DROSHA: variants seen among roughly 807,000 people sequenced by gnomAD.
DROSHA encodes drosha ribonuclease III.
A neutral mutation model predicts 181.9 loss-of-function variants in DROSHA; 56 were observed. The observed-to-expected ratio is 0.31, with a 90% CI of 0.25 to 0.38. The LOEUF is 0.38. DROSHA is among the 10% of genes least tolerant of loss of function. DROSHA has a pLI of 1.00. For synonymous variants in DROSHA, 524 were observed against 591.2 expected (o/e 0.89, Z 1.65); for missense variants, 1,218 against 1,743.5 (o/e 0.70, Z 5.37).
At chr5:31,466,472 T>C (rs1212095387) in intron 18 of DROSHA, 191 bp from the exon 19 acceptor site, 2 of 522,236 alleles carry the variant, frequency 3.8e-6, no homozygotes, top group East Asian at 3.3e-5. Flanking sequence ...AAGAGTCAAC[T>C]GGAACCTGGT....
chr5:31,478,298 G>A (rs1274876317), intron 16 of DROSHA, among the ~76,000 whole-genome samples: 1 of 152,202 alleles, frequency 6.6e-6, no homozygotes, highest in Non-Finnish European at 1.5e-5. Context: ...GACAGCTGAT[G>A]AGATTAAAAA....
At chr5:31,436,980 T>C (rs1286606987) in intron 24 of DROSHA, among the ~76,000 whole-genome samples, 1 of 152,222 alleles carries the variant, frequency 6.6e-6, no homozygotes, top group Non-Finnish European at 1.5e-5. Flanking sequence ...CTCTTGTGGC[T>C]GTAAGCAACT....
chr5:31,488,429 A>G (rs1004623245), intron 13 of DROSHA, among the ~76,000 whole-genome samples: 2 of 150,608 alleles, frequency 1.3e-5, no homozygotes, highest in Non-Finnish European at 2.9e-5. Flanking sequence ...AAAAAAAAAA[A>G]AAAAAAGATG....
chr5:31,456,783 A>G (rs1747719637), intron 20 of DROSHA, among the ~76,000 whole-genome samples: 1 of 152,106 alleles, frequency 6.6e-6, no homozygotes, highest in South Asian at 2.1e-4. Context: ...TTTTTTAGAG[A>G]CAGGGTTTCA....
chr5:31,404,877 T>C (rs1579966368), intron 35 of DROSHA, among the ~76,000 whole-genome samples: 1 of 152,182 alleles, frequency 6.6e-6, no homozygotes, highest in East Asian at 1.9e-4. Flanking sequence ...GGAAATATTA[T>C]GCAGCCACTA....
chr5:31,486,842 C>T (rs994694500), intron 13 of DROSHA: 1 of 282,010 alleles, frequency 3.5e-6, no homozygotes, highest in Non-Finnish European at 6.6e-6. Flanking sequence ...ATTAAAACCA[C>T]AAGTATCACC....
At chr5:31,403,190 T>C (rs1244725384) in intron 35 of DROSHA, among the ~76,000 whole-genome samples, 1 of 152,248 alleles carries the variant, frequency 6.6e-6, no homozygotes, top group Non-Finnish European at 1.5e-5. Flanking sequence ...CAAATATAAC[T>C]ACTTTTTTCA....
At chr5:31,424,710 G>T (rs1429799502) in intron 27 of DROSHA, among the ~76,000 whole-genome samples, 4 of 152,230 alleles carry the variant, frequency 2.6e-5, no homozygotes, top group South Asian at 2.1e-4. Flanking sequence ...TCTAGTCCCA[G>T]AAGTCAGACA....
rs770087234 is a variant in DROSHA, at chr5:31,437,191, T to A, written c.2942+48A>T. ...AGCAATGTAATAAGTATGTTACCTA[T>A]AAAATGTAATTATTGAGGAATTGTA... On this transcript the variant is annotated intron_variant, in intron 24 of 35. Coordinates refer to ENST00000344624, the MANE Select transcript of DROSHA (RefSeq NM_001382508.1). 3 of 1,526,922 alleles carry A rather than the reference T, an allele frequency of 2.0e-6. No homozygotes were observed. The South Asian group carries it at 3.6e-5, about 18-fold the overall frequency. The allele number at this position is 1,526,922 out of a possible 1,614,324, so 94.6% of individuals were successfully genotyped here.
At chr5:31,480,203 T>TATATATATATATATATATATATATATAC (rs1345858192) in intron 16 of DROSHA, among the ~76,000 whole-genome samples, 2 of 140,188 alleles carry the variant, frequency 1.4e-5, no homozygotes, top group African/African-American at 2.5e-5. Flanking sequence ...TATATATATA[T>TATATATATATATATATATATATATATAC]ACTGAAAATA....
chr5:31,418,180 G>A (rs1469942185), intron 30 of DROSHA, among the ~76,000 whole-genome samples: 3 of 152,002 alleles, frequency 2.0e-5, no homozygotes, highest in South Asian at 2.1e-4. Context: ...TCTTTCAACT[G>A]GGTCTCTATC....
At position 31,409,410 on chromosome 5, in the gene DROSHA, A is replaced by G; in HGVS notation, c.3668-78T>C. On this transcript the variant is annotated intron_variant, in intron 31 of 35. Coordinates refer to ENST00000344624, the MANE Select transcript of DROSHA (RefSeq NM_001382508.1). This position sits in a 1 kb window ranked among gnomAD's most constrained non-coding sequence, Gnocchi z 4.0. ...AAAGAGTAAGAGACCTAGACCTTTAAGCAAAATTTTAGTAATAGTTTCAAC... is the reference window on the plus strand; with the variant it reads ...AAAGAGTAAGAGACCTAGACCTTTAGGCAAAATTTTAGTAATAGTTTCAAC... 1 of 1,384,514 alleles carries G rather than the reference A, an allele frequency of 7.2e-7. No homozygotes were observed. The highest frequency in any genetic ancestry group is 2.5e-5 in the Admixed American group (1 of 39,782). 85.8% of individuals were successfully genotyped at this position (1,384,514 alleles called of 1,614,324 possible).
intron 16 of DROSHA, among the ~76,000 whole-genome samples, chr5:31,478,773 T>C (rs1460874710): frequency 6.6e-6 from 1 of 152,170 alleles, no homozygotes; most frequent in Non-Finnish European, 1.5e-5. Context: ...GGCAGGTGTA[T>C]AGAAAAAGAG....
rs10718385 is a variant in DROSHA, at chr5:31,523,976, CAAA to C, written c.854+2100_854+2102del. On this transcript the variant is annotated intron_variant, in intron 5 of 35. Coordinates refer to ENST00000344624, the MANE Select transcript of DROSHA (RefSeq NM_001382508.1). ...GGGAACAAAAGCAAAACTTTGTCTC[CAAA>C]AAAAAAAAAAAAAAAACAACAAAAA... 7.6e-4 allele frequency among the ~76,000 whole-genome samples: 80 copies of C among 105,058 alleles called. No homozygotes were observed. The South Asian group carries it at 0.011, about 14-fold the overall frequency. 68.9% of individuals were successfully genotyped at this position (105,058 alleles called of 152,430 possible).
At chr5:31,481,258 G>T (rs1478255896) in intron 16 of DROSHA, among the ~76,000 whole-genome samples, 1 of 151,958 alleles carries the variant, frequency 6.6e-6, no homozygotes, top group African/African-American at 2.4e-5. Context: ...TTTCAAAGGG[G>T]AGTCTAATGA....
intron 3 of DROSHA, among the ~76,000 whole-genome samples, chr5:31,530,300 T>A (rs1025290167): frequency 6.6e-6 from 1 of 152,032 alleles, no homozygotes; most frequent in African/African-American, 2.4e-5. Flanking sequence ...ATTACTATTA[T>A]CCAGTCCAGT....
chr5:31,451,487 A>G, intron 21 of DROSHA, 46 bp downstream of exon 21: 1 of 1,460,558 alleles, frequency 6.8e-7, no homozygotes, highest in South Asian at 1.2e-5. Flanking sequence ...AAGATGAATT[A>G]CTCCTATCTT....
intron 23 of DROSHA, among the ~76,000 whole-genome samples, chr5:31,446,271 C>CCTGT (rs1746249215): frequency 6.6e-6 from 1 of 151,350 alleles, no homozygotes; most frequent in South Asian, 2.1e-4. Flanking sequence ...ACAGTGAGAC[C>CCTGT]CTGTCTCTAC....
chr5:31,530,788 C>A lies in DROSHA; in HGVS notation c.-47+10G>T, dbSNP rs1255655433. 1 of 398,388 alleles carries A rather than the reference C, an allele frequency of 2.5e-6. No homozygotes were observed. The highest frequency in any genetic ancestry group is 4.4e-6 in the Non-Finnish European group (1 of 226,042). The allele number at this position is 398,388 out of a possible 1,614,324, so 24.7% of individuals were successfully genotyped here. A position where few individuals can be genotyped will look rare whatever the true frequency, so the allele number is the denominator to read the frequency against. On this transcript the variant is annotated intron_variant, in intron 3 of 35. Transcript: ENST00000344624. The stretch of plus-strand genomic sequence containing the variant: ...ACTTAGTCTATACTTAATCCTTTTA[C>A]AGCACTTACCAGAGACTGCCTCATA...
Sources: allele counts gnomAD v4.1 joint callset (sites outside exome capture counted in the v4.1 genomes callset), GRCh38; gene constraint gnomAD v4.1.1; non-coding constraint Gnocchi (gnomAD v3.1); transcripts MANE v1.5; gene names NCBI Gene and HGNC (gene_info 2026-07-23, HGNC 2026-07-21).